The following PLEKHM3 variants were observed in gnomAD, a reference collection of about 807,000 sequenced individuals.
PLEKHM3 encodes pleckstrin homology domain containing M3.
In PLEKHM3, 45 loss-of-function variants were observed where a neutral mutation model predicts 81.8. The observed-to-expected ratio is 0.55, with a 90% CI of 0.43 to 0.71. The LOEUF is 0.71. Ranked by LOEUF, PLEKHM3 falls within the 30% of genes least tolerant of loss-of-function variation. The pLI, the probability that PLEKHM3 is intolerant of heterozygous loss-of-function variation, is 0.00. For missense variants in PLEKHM3, 788 were observed against 924.3 expected, an observed-to-expected ratio of 0.85 and a Z score of 1.91; for synonymous variants, 352 against 356.4, an observed-to-expected ratio of 0.99 and a Z score of 0.14.
At chr2:208,016,265 A>C (rs1692910440) in intron 1 of PLEKHM3, among the ~76,000 whole-genome samples, 1 of 152,164 alleles carries the variant, frequency 6.6e-6, no homozygotes, top group Non-Finnish European at 1.5e-5. Flanking sequence ...TGTTGGGGGG[A>C]CGGGCAAATA....
At chr2:207,986,299 G>GT (rs1691716247) in intron 2 of PLEKHM3, among the ~76,000 whole-genome samples, 2 of 152,148 alleles carry the variant, frequency 1.3e-5, no homozygotes, top group African/African-American at 4.8e-5. Context: ...TGGAGTACTC[G>GT]TAAGACTGCA....
At chr2:208,017,648 T>G (rs1194843219) in intron 1 of PLEKHM3, among the ~76,000 whole-genome samples, 1 of 152,200 alleles carries the variant, frequency 6.6e-6, no homozygotes, top group Admixed American at 6.5e-5. Context: ...CTTGTAAGTT[T>G]CTTGAAGAAA....
At chr2:208,024,658 T>G (rs1348017299) in intron 1 of PLEKHM3, among the ~76,000 whole-genome samples, 1 of 152,212 alleles carries the variant, frequency 6.6e-6, no homozygotes, top group Admixed American at 6.5e-5. Context: ...TCACTACGAT[T>G]ACTTAAAATA....
At chr2:207,897,460 A>G (rs930163613) in intron 6 of PLEKHM3, among the ~76,000 whole-genome samples, 1 of 152,216 alleles carries the variant, frequency 6.6e-6, no homozygotes, top group African/African-American at 2.4e-5. Context: ...TGCTTTATGC[A>G]TACTAACTCT....
chr2:207,863,248 G>A (rs1421997463), intron 6 of PLEKHM3, among the ~76,000 whole-genome samples: 1 of 152,204 alleles, frequency 6.6e-6, no homozygotes, highest in Non-Finnish European at 1.5e-5. Context: ...TAGTTAAACT[G>A]TGCCAGATGA....
chr2:207,865,801 A>AAAAAAAAAAATATATATAT, intron 6 of PLEKHM3, among the ~76,000 whole-genome samples: 1 of 25,286 alleles, frequency 4.0e-5, no homozygotes, highest in Non-Finnish European at 7.6e-5. Flanking sequence ...AAAAAAAAAA[A>AAAAAAAAAAATATATATAT]AGATATATAT....
chr2:207,952,390 A>G (rs1239492792), intron 3 of PLEKHM3, among the ~76,000 whole-genome samples: 1 of 152,176 alleles, frequency 6.6e-6, no homozygotes, highest in Admixed American at 6.5e-5. Context: ...CTTTGATCAT[A>G]TGCTCTTCAG....
intron 6 of PLEKHM3, among the ~76,000 whole-genome samples, chr2:207,882,914 A>C (rs770755277): frequency 1.3e-5 from 2 of 151,820 alleles, no homozygotes; most frequent in Non-Finnish European, 2.9e-5. Context: ...ATGCCCAGCT[A>C]ATTTTTGTAT....
chr2:207,877,500 T>G lies in PLEKHM3; in HGVS notation c.1951-16238A>C, dbSNP rs116535940. On this transcript the variant is annotated intron_variant, in intron 6 of 7. Transcript: ENST00000427836. ...TTTTCCTTGGGCTCCCTGTCCTTCA[T>G]GAATGTGACTAATTGAAGAAAAAGG... 3.9e-3 allele frequency among the ~76,000 whole-genome samples: 587 copies of G among 152,324 alleles called. 8 individuals carry two copies. Among genetic ancestry groups the G allele is most frequent in the African/African-American group, 0.012 (490 of 41,576 alleles).
chr2:207,822,646 A>T lies in PLEKHM3; in HGVS notation c.*5673T>A, dbSNP rs146150321. The T allele has an allele frequency of 6.6e-6, 1 of 152,648 alleles. No homozygotes were observed. Among genetic ancestry groups the T allele is most frequent in the African/African-American group, 2.4e-5 (1 of 41,558 alleles). The allele number at this position is 152,648 out of a possible 1,614,324, so 9.5% of individuals were successfully genotyped here. ...TCCGACATGATTCCCTTTACTCCTG[A>T]GGTTAAGGCACACCAGGCTGAACAA... On this transcript the variant is annotated 3_prime_UTR_variant, in exon 8 of 8. Transcript: ENST00000427836.
chr2:208,015,419 G>C (rs960897281), intron 1 of PLEKHM3, among the ~76,000 whole-genome samples: 1 of 152,070 alleles, frequency 6.6e-6, no homozygotes, highest in African/African-American at 2.4e-5. Flanking sequence ...ATGACCCAGA[G>C]AGTTAATTGC....
At chr2:207,956,522 G>C (rs542020056) in intron 3 of PLEKHM3, among the ~76,000 whole-genome samples, 68 of 151,612 alleles carry the variant, frequency 4.5e-4, no homozygotes, top group African/African-American at 1.5e-3. Context: ...AAGCAGAGTA[G>C]CAAAGTAAAC....
intron 6 of PLEKHM3, chr2:207,868,578 T>G (rs908870479): frequency 3.3e-5 from 5 of 152,214 alleles, no homozygotes; most frequent in African/African-American, 1.2e-4. Context: ...CAGTATCCAC[T>G]TTGCAGGGTT....
intron 2 of PLEKHM3, among the ~76,000 whole-genome samples, chr2:207,979,871 A>G (rs1691463623): frequency 6.6e-6 from 1 of 152,218 alleles, no homozygotes; most frequent in Non-Finnish European, 1.5e-5. Flanking sequence ...TGGTCCTGAC[A>G]TTCATTAGTA....
At chr2:207,946,252 G>A (rs1235573218) in intron 4 of PLEKHM3, 115 bp downstream of exon 4, 1 of 1,228,786 alleles carries the variant, frequency 8.1e-7, no homozygotes, top group Non-Finnish European at 1.1e-6. Flanking sequence ...CAGCTTTTAT[G>A]AGACTACCTA....
chr2:207,941,185 G>A (rs1186212485), intron 4 of PLEKHM3, among the ~76,000 whole-genome samples: 1 of 152,112 alleles, frequency 6.6e-6, no homozygotes, highest in Non-Finnish European at 1.5e-5. Context: ...CAGCTCTAGG[G>A]CCCTTTCCCA....
chr2:207,880,361 C>T (rs1387051018), intron 6 of PLEKHM3, among the ~76,000 whole-genome samples: 2 of 149,760 alleles, frequency 1.3e-5, no homozygotes, highest in Admixed American at 6.7e-5. Flanking sequence ...GAGCTGAGAT[C>T]GTGCCACTGC....
chr2:207,908,244 T>C (rs1358251626), intron 6 of PLEKHM3, among the ~76,000 whole-genome samples: 1 of 152,214 alleles, frequency 6.6e-6, no homozygotes, highest in African/African-American at 2.4e-5. Context: ...AACTCTATGT[T>C]TAACTTTTTA....
intron 6 of PLEKHM3, among the ~76,000 whole-genome samples, chr2:207,904,828 T>A (rs1204031286): frequency 6.6e-6 from 1 of 152,242 alleles, no homozygotes; most frequent in Non-Finnish European, 1.5e-5. Context: ...TGAGTCTATC[T>A]GCTAAAATTT....
Sources: gnomAD v4.1 joint callset for allele counts (sites outside exome capture counted in the v4.1 genomes callset) on GRCh38, gnomAD v4.1.1 for gene constraint, MANE v1.5 for transcripts, NCBI Gene and HGNC (gene_info 2026-07-23, HGNC 2026-07-21) for gene names.